Variants in ZNF536 observed in about 807,000 individuals in gnomAD.
ZNF536 encodes zinc finger protein 536.
ZNF536 carries 13 observed loss-of-function variants against 84.5 expected under a neutral mutation model. That is an observed-to-expected ratio of 0.15 (90% CI 0.10 to 0.24). The LOEUF is 0.24. Ranked by LOEUF, ZNF536 falls within the 10% of genes least tolerant of loss-of-function variation. The probability of loss-of-function intolerance (pLI) is 1.00; values close to 1 mark genes in which losing one functional copy is unlikely to be tolerated. For synonymous variants in ZNF536, 811 were observed against 742.5 expected, an observed-to-expected ratio of 1.09 and a Z score of -1.50; for missense variants, 1,536 against 1,747.5, an observed-to-expected ratio of 0.88 and a Z score of 2.16.
At chr19:30,351,092 T>C (rs1600338320) in intron 2 of ZNF536, among the ~76,000 whole-genome samples, 1 of 152,232 alleles carries the variant, frequency 6.6e-6, no homozygotes, top group African/African-American at 2.4e-5. Context: ...TGTGCACTCA[T>C]GCACAAACCC....
At chr19:30,686,008 G>T (rs1424876035) in intron 1 of ZNF536, among the ~76,000 whole-genome samples, 1 of 152,232 alleles carries the variant, frequency 6.6e-6, no homozygotes, top group Non-Finnish European at 1.5e-5. Context: ...TGAAGATGGG[G>T]CAGGGGCCAG....
At chr19:30,346,119 A>G (rs979779267) in intron 2 of ZNF536, among the ~76,000 whole-genome samples, 7 of 152,124 alleles carry the variant, frequency 4.6e-5, no homozygotes, top group African/African-American at 7.2e-5. Context: ...GTGGTTCTCA[A>G]ACTGGCTTCC....
intron 1 of ZNF536, among the ~76,000 whole-genome samples, chr19:30,565,088 C>T (rs562909409): frequency 2.0e-5 from 3 of 151,884 alleles, no homozygotes; most frequent in Non-Finnish European, 2.9e-5. Context: ...ACATCTCAAA[C>T]GAGGGTGACC....
chr19:30,705,577 C>T (rs1238141403), intron 1 of ZNF536, among the ~76,000 whole-genome samples: 1 of 152,122 alleles, frequency 6.6e-6, no homozygotes, highest in Non-Finnish European at 1.5e-5. Flanking sequence ...GAGCTGATAT[C>T]ATCCCTTGGC....
In ZNF536 at chr19:30,386,933, G is replaced by A. The variant is rs185795492; in HGVS notation, c.-3+14377G>A. Among the ~76,000 whole-genome samples the A allele has an allele frequency of 1.7e-3, 257 of 152,330 alleles. 2 individuals are homozygous for A. The highest frequency in any genetic ancestry group is 5.7e-3 in the African/African-American group (237 of 41,566). On this transcript the variant is annotated intron_variant, in intron 1 of 4. Coordinates refer to ENST00000355537, the MANE Select transcript of ZNF536 (RefSeq NM_014717.3). ...GCATGGACAGCAGGGGACTGCTTCC[G>A]AGGGCTTATCCAAAGTCACAGCCTA...
chr19:30,444,307 C>G lies in ZNF536; in HGVS notation c.745C>G (p.Pro249Ala), dbSNP rs1385557088. Residue 249 changes from proline to alanine, a missense_variant, in exon 2 of 5, where the codon CCC becomes GCC. By Grantham distance (27) the Pro-to-Ala change is conservative. Transcript: ENST00000355537. ...GGCCCTGCAGGCTAACCACAGCGTT[C>G]CCGACGTGGCCCACCCGGTGCCCTC... ...TLALQANHSV[P>A]DVAHPVPSPK... is the part of the protein sequence containing the mutation. 6.3e-7 allele frequency: 1 copy of G among 1,582,776 alleles called. No individual in the cohort carries two copies. Among genetic ancestry groups the G allele is most frequent in the Non-Finnish European group, 8.5e-7 (1 of 1,171,690 alleles).
intron 1 of ZNF536, among the ~76,000 whole-genome samples, chr19:30,415,498 A>T: frequency 6.7e-6 from 1 of 149,034 alleles, no homozygotes; most frequent in Non-Finnish European, 1.5e-5. Context: ...TTTTCCAGAA[A>T]TTTTCCCATC....
Position 30,660,611 on chromosome 19 carries a change from T to C in ZNF536, c.170-50146T>C, listed in dbSNP as rs542025075. ...TTTCCCAAAGATATCTGAAGAGCAC[T>C]TAATTGTTACTGAGTAATCAATTAT... On this transcript the variant is annotated intron_variant, in intron 1 of 1. Transcript: ENST00000592773. Among the ~76,000 whole-genome samples, 6 of 152,306 alleles carry C rather than the reference T, an allele frequency of 3.9e-5. No individual in the cohort carries two copies. The East Asian group carries it at 7.7e-4, about 20-fold the overall frequency.
At chr19:30,673,515 G>A (rs1269536421) in intron 1 of ZNF536, among the ~76,000 whole-genome samples, 1 of 152,138 alleles carries the variant, frequency 6.6e-6, no homozygotes, top group Non-Finnish European at 1.5e-5. Context: ...CCTGCCACGG[G>A]ACTGGCACAT....
At chr19:30,328,424 T>C (rs1184979675) in intron 2 of ZNF536, among the ~76,000 whole-genome samples, 1 of 152,220 alleles carries the variant, frequency 6.6e-6, no homozygotes, top group Non-Finnish European at 1.5e-5. Context: ...TGGGCCTCTG[T>C]GTAACCTGCT....
At chr19:30,389,000 C>T (rs758543972) in intron 1 of ZNF536, among the ~76,000 whole-genome samples, 4 of 152,170 alleles carry the variant, frequency 2.6e-5, no homozygotes, top group Non-Finnish European at 5.9e-5. Flanking sequence ...AAAGGCTTGA[C>T]GACCTGTGAG....
chr19:30,315,204 G>A (rs1402001167), intron 2 of ZNF536, among the ~76,000 whole-genome samples: 1 of 152,206 alleles, frequency 6.6e-6, no homozygotes, highest in African/African-American at 2.4e-5. Flanking sequence ...GCATTGATGG[G>A]GAGAATGAAG....
chr19:30,669,681 T>G (rs2050469609), intron 1 of ZNF536, among the ~76,000 whole-genome samples: 1 of 152,228 alleles, frequency 6.6e-6, no homozygotes, highest in African/African-American at 2.4e-5. Context: ...GAAAGAAGCT[T>G]GCAGGGGGGC....
At chr19:30,404,019 C>CTTTTTTTT (rs11336660) in intron 1 of ZNF536, among the ~76,000 whole-genome samples, 3 of 123,358 alleles carry the variant, frequency 2.4e-5, no homozygotes, top group African/African-American at 3.3e-5. Context: ...TTCCTTTCCT[C>CTTTTTTTT]TTTTTTTTTT....
chr19:30,682,779 C>A (rs7250290), intron 1 of ZNF536, among the ~76,000 whole-genome samples: 3,672 of 152,248 alleles, frequency 0.024, 141 homozygotes, highest in African/African-American at 0.084. Flanking sequence ...GGCAGCACCT[C>A]TGGCCCCGGA....
chr19:30,296,502 C>T (rs753371888), intron 2 of ZNF536, among the ~76,000 whole-genome samples: 1 of 152,144 alleles, frequency 6.6e-6, no homozygotes, highest in Non-Finnish European at 1.5e-5. Context: ...TGGCTCTTGA[C>T]AGTGCAGAGG....
chr19:30,473,326 A>T (rs1198520423), intron 2 of ZNF536, among the ~76,000 whole-genome samples: 1 of 152,104 alleles, frequency 6.6e-6, no homozygotes, highest in Non-Finnish European at 1.5e-5. Flanking sequence ...CCTAGAAATT[A>T]GATATCCTTT....
intron 1 of ZNF536, among the ~76,000 whole-genome samples, chr19:30,589,225 C>T (rs957816360): frequency 3.3e-5 from 5 of 152,162 alleles, no homozygotes; most frequent in Non-Finnish European, 7.4e-5. Flanking sequence ...TTGGTTGCAA[C>T]CATCTGCATG....
chr19:30,255,496 A>G (rs897696026), intron 1 of ZNF536, among the ~76,000 whole-genome samples: 1 of 152,188 alleles, frequency 6.6e-6, no homozygotes, highest in Non-Finnish European at 1.5e-5. Context: ...CTCAATTTGT[A>G]AAAGGCGTCT....
Sources: gnomAD v4.1 joint callset for allele counts (sites outside exome capture counted in the v4.1 genomes callset) on GRCh38, gnomAD v4.1.1 for gene constraint, MANE v1.5 for transcripts, NCBI Gene and HGNC (gene_info 2026-07-23, HGNC 2026-07-21) for gene names.